PARP1: variants seen among roughly 807,000 people sequenced by gnomAD.
PARP1 encodes the protein poly(ADP-ribose) polymerase 1.
PARP1 carries 44 observed loss-of-function variants against 118.7 expected under a neutral mutation model. The ratio of observed to expected loss-of-function variants is 0.37; its 90% confidence interval spans 0.29 to 0.48. The LOEUF (loss-of-function observed/expected upper bound fraction) is 0.48, where lower values mean the gene tolerates loss of function less well. Among genes scored for constraint, PARP1 ranks in the 20% least tolerant of loss-of-function variants. The pLI is 0.99. For missense variants in PARP1, 1,100 were observed against 1,272.4 expected, an observed-to-expected ratio of 0.86 and a Z score of 2.06; for synonymous variants, 492 against 483.2, an observed-to-expected ratio of 1.02 and a Z score of -0.24.
At chr1:226,367,633 G>A (rs375944799) in intron 16 of PARP1, 25 bp from the exon 17 acceptor site, 18 of 1,613,332 alleles carry the variant, frequency 1.1e-5, no homozygotes, top group African/African-American at 4.0e-5. Flanking sequence ...GAAAGCCCCC[G>A]ACTTAGGTAT....
intron 6 of PARP1, 127 bp from the exon 7 acceptor site, chr1:226,385,807 G>A: frequency 2.3e-6 from 2 of 854,952 alleles, no homozygotes; most frequent in Non-Finnish European, 3.9e-6. Context: ...TCTTGCTGTG[G>A]GCTTGCTATG....
At chr1:226,363,029 C>G (rs1576389479) in intron 21 of PARP1, 70 bp downstream of exon 21, 3 of 1,082,032 alleles carry the variant, frequency 2.8e-6, no homozygotes, top group Non-Finnish European at 4.3e-6. Flanking sequence ...CTTCTCAGGA[C>G]AGCAAGCCCC....
At chr1:226,397,138 ACTCTGT>A (rs1465742207) in intron 2 of PARP1, among the ~76,000 whole-genome samples, 1 of 143,802 alleles carries the variant, frequency 7.0e-6, no homozygotes, top group Non-Finnish European at 1.5e-5. Flanking sequence ...ACACAGTGAG[ACTCTGT>A]CTCTATCTTA....
At chr1:226,377,745 C>CAATG (rs1191209780) in intron 12 of PARP1, among the ~76,000 whole-genome samples, 1 of 152,130 alleles carries the variant, frequency 6.6e-6, no homozygotes, top group African/African-American at 2.4e-5. Flanking sequence ...GGGGCAGTGG[C>CAATG]AATGGCTCCT....
chr1:226,364,361 C>T (rs933865042), intron 19 of PARP1: 12 of 395,606 alleles, frequency 3.0e-5, no homozygotes, highest in African/African-American at 1.7e-4. Context: ...GCCATGAGGA[C>T]GGAATGAGCT....
intron 13 of PARP1, 59 bp downstream of exon 13, chr1:226,377,049 G>C: frequency 6.9e-7 from 1 of 1,442,492 alleles, no homozygotes; most frequent in Non-Finnish European, 9.8e-7. Context: ...GGATTTTCTA[G>C]AATAAGGTGT....
intron 4 of PARP1, among the ~76,000 whole-genome samples, chr1:226,389,063 C>T (rs1009726961): frequency 2.6e-5 from 4 of 151,650 alleles, no homozygotes; most frequent in Admixed American, 2.0e-4. Context: ...GCTCAGACCC[C>T]GTCTGAGGTT....
intron 13 of PARP1, among the ~76,000 whole-genome samples, chr1:226,375,773 G>A (rs1224078908): frequency 1.3e-5 from 2 of 152,106 alleles, no homozygotes; most frequent in African/African-American, 4.8e-5. Flanking sequence ...TATTGAAATG[G>A]CTTGAATTAT....
chr1:226,395,359 T>G (rs1042328607), intron 2 of PARP1, among the ~76,000 whole-genome samples: 6 of 152,142 alleles, frequency 3.9e-5, no homozygotes, highest in Non-Finnish European at 8.8e-5. Context: ...TAATATTCAT[T>G]ATCATTATTA....
chr1:226,363,545 G>C (rs1356256280), intron 20 of PARP1, among the ~76,000 whole-genome samples: 1 of 152,212 alleles, frequency 6.6e-6, no homozygotes, highest in Non-Finnish European at 1.5e-5. Context: ...GGACTAATCA[G>C]ATCTTTCTCT....
chr1:226,390,516 C>G lies in PARP1; in HGVS notation c.511G>C (p.Gly171Arg), dbSNP rs756306081. Residue 171 changes from glycine to arginine, a missense_variant, in exon 4 of 23, where the codon GGT becomes CGT. Gly to Arg is a moderately radical substitution (Grantham distance 125, BLOSUM62 -2). Transcript: ENST00000366794. ...GCFVKNREEL[G>R]FRPEYSASQL... ...CTCGCACTGTACTCGGGCCGGAAACCCAGCTCCTCCCTGTTCTTGACAAAG... is the reference window on the plus strand; with the variant it reads ...CTCGCACTGTACTCGGGCCGGAAACGCAGCTCCTCCCTGTTCTTGACAAAG... 2.5e-6 allele frequency: 4 copies of G among 1,614,220 alleles called. No homozygotes were observed. In the Admixed American group the frequency reaches 6.7e-5, roughly 27 times the overall value.
intron 2 of PARP1, among the ~76,000 whole-genome samples, chr1:226,394,107 GC>G (rs1458904153): frequency 1.3e-5 from 2 of 148,766 alleles, no homozygotes; most frequent in Admixed American, 1.3e-4. Context: ...CCAGCACTCT[GC>G]GAGGATGAGG....
At chr1:226,369,141 G>A (rs1373504000) in intron 15 of PARP1, among the ~76,000 whole-genome samples, 1 of 152,204 alleles carries the variant, frequency 6.6e-6, no homozygotes, top group African/African-American at 2.4e-5. Flanking sequence ...AAGAAGCTGG[G>A]GCCGAGGAAA....
At chr1:226,376,496 T>G (rs1407628928) in intron 13 of PARP1, among the ~76,000 whole-genome samples, 1 of 152,216 alleles carries the variant, frequency 6.6e-6, no homozygotes, top group Non-Finnish European at 1.5e-5. Flanking sequence ...AGGGTGACCA[T>G]GGGTTCAGAT....
intron 14 of PARP1, 115 bp downstream of exon 14, chr1:226,374,111 C>G: frequency 2.4e-6 from 3 of 1,226,906 alleles, no homozygotes; most frequent in South Asian, 2.4e-5. Flanking sequence ...AAGAAGCTGA[C>G]AGCCAATGTA....
rs75260837 is a variant in PARP1 at position 226,399,845 on chromosome 1, A to G, written c.286+2369T>C. 6.5e-3 allele frequency among the ~76,000 whole-genome samples: 994 copies of G among 152,030 alleles called. 18 individuals carry two copies. Among genetic ancestry groups the G allele is most frequent in the African/African-American group, 0.023 (950 of 41,470 alleles). On this transcript the variant is annotated intron_variant, in intron 2 of 22. Coordinates refer to ENST00000366794, the MANE Select transcript of PARP1 (RefSeq NM_001618.4). ...GGGTAGGGCTAGCGGGTATATGGAA[A>G]CTCTGTACTTTACTCAATTTTGCTG... is the stretch of plus-strand genomic sequence containing the variant.
At chr1:226,407,696 G>T in intron 1 of PARP1, 114 bp downstream of exon 1, 1 of 998,614 alleles carries the variant, frequency 1.0e-6, no homozygotes, top group Non-Finnish European at 1.3e-6. Context: ...CCCAAGTGCC[G>T]CTCCGAGGGC....
In PARP1 at chr1:226,385,484, G is replaced by T. The variant is rs566645242; in HGVS notation, c.1011+20C>A. On this transcript the variant is annotated intron_variant, in intron 7 of 22. Transcript: ENST00000366794. Reference sequence around the variant, plus strand: ...AGGTTTTTCTCCCAACAGATCCCAGGATCTTCCCCTACCCCTTACCTTTGG... The same window carrying T: ...AGGTTTTTCTCCCAACAGATCCCAGTATCTTCCCCTACCCCTTACCTTTGG... 1.1e-5 allele frequency: 18 copies of T among 1,611,960 alleles called. No individual in the cohort carries two copies. Among genetic ancestry groups the T allele is most frequent in the Non-Finnish European group, 1.4e-5 (17 of 1,178,416 alleles).
At chr1:226,407,659 A>T (rs1665178107) in intron 1 of PARP1, 151 bp downstream of exon 1, 1 of 656,406 alleles carries the variant, frequency 1.5e-6, no homozygotes, top group Non-Finnish European at 2.3e-6. Context: ...GCCGCTCGGG[A>T]GGAGGGGCGG....
Sources: gnomAD v4.1 joint callset for allele counts (sites outside exome capture counted in the v4.1 genomes callset) on GRCh38, gnomAD v4.1.1 for gene constraint, MANE v1.5 for transcripts, NCBI Gene and HGNC (gene_info 2026-07-23, HGNC 2026-07-21) for gene names.